MSH3: variants seen among roughly 807,000 people sequenced by gnomAD.
MSH3 encodes DNA mismatch repair protein Msh3.
Under a neutral mutation model 123.3 loss-of-function variants are expected in MSH3, and 106 were observed. That is an observed-to-expected ratio of 0.86 (90% CI 0.73 to 1.01). The LOEUF (loss-of-function observed/expected upper bound fraction) is 1.01, where lower values mean the gene tolerates loss of function less well. Among genes scored for constraint, MSH3 ranks in the 50% least tolerant of loss-of-function variants. The pLI is 0.00. For missense variants in MSH3, 1,459 were observed against 1,347.6 expected, an observed-to-expected ratio of 1.08 and a Z score of -1.29; for synonymous variants, 515 against 481.4, an observed-to-expected ratio of 1.07 and a Z score of -0.91.
intron 20 of MSH3, among the ~76,000 whole-genome samples, chr5:80,833,733 G>A (rs997610350): frequency 6.6e-6 from 1 of 152,154 alleles, no homozygotes; most frequent in Admixed American, 6.5e-5. Context: ...GAGCCACCTC[G>A]CACAGCCAAA....
intron 12 of MSH3, among the ~76,000 whole-genome samples, chr5:80,757,544 G>A (rs1473139427): frequency 6.6e-6 from 1 of 152,066 alleles, no homozygotes; most frequent in African/African-American, 2.4e-5. Context: ...TTCATCTTTG[G>A]TAGTAAAGAT....
At chr5:80,814,644 T>G (rs1412638734) in intron 20 of MSH3, among the ~76,000 whole-genome samples, 1 of 152,234 alleles carries the variant, frequency 6.6e-6, no homozygotes, top group Non-Finnish European at 1.5e-5. Flanking sequence ...TGCTCTGTCT[T>G]CTGGGGTAGA....
rs1025319425 is a variant in MSH3 at position 80,792,758 on chromosome 5, A to G, written c.2569A>G (p.Ile857Val). ...ACCAACTGTACAAGAAGAAAGAAAA[A>G]TTGTAATAAAAAATGGAAGGCACCC... is the stretch of plus-strand genomic sequence containing the variant. ...CRPTVQEERKIVIKNGRHPVI... is the reference protein window; with the variant it reads ...CRPTVQEERKVVIKNGRHPVI... The change falls in exon 19 of 24, where the codon ATT becomes GTT. Residue 857 changes from isoleucine to valine, a missense_variant. Coordinates refer to ENST00000265081, the MANE Select transcript of MSH3 (RefSeq NM_002439.5). 6.2e-7 allele frequency: 1 copy of G among 1,612,760 alleles called. No homozygotes were observed. The highest frequency in any genetic ancestry group is 1.3e-5 in the African/African-American group (1 of 74,904).
intron 20 of MSH3, among the ~76,000 whole-genome samples, chr5:80,843,819 C>T (rs549408867): frequency 1.3e-5 from 2 of 152,106 alleles, no homozygotes; most frequent in African/African-American, 4.8e-5. Context: ...GTCTTGCTAG[C>T]AGTCTATCAA....
chr5:80,748,486 T>C (rs917219887), intron 12 of MSH3, among the ~76,000 whole-genome samples: 7 of 152,226 alleles, frequency 4.6e-5, no homozygotes, highest in African/African-American at 1.2e-4. Context: ...TTTTTTCTTA[T>C]GTGTTCTCAC....
intron 12 of MSH3, among the ~76,000 whole-genome samples, chr5:80,752,988 A>G (rs1323890769): frequency 6.6e-6 from 1 of 152,198 alleles, no homozygotes. Flanking sequence ...CAAGACAATA[A>G]TAACTTCTGG....
rs563246929 is a variant in MSH3, at chr5:80,785,550, G to T, written c.2436-2015G>T. Among the ~76,000 whole-genome samples, 222 of 152,206 alleles carry T rather than the reference G, an allele frequency of 1.5e-3. 2 individuals carry two copies. Among genetic ancestry groups the T allele is most frequent in the Middle Eastern group, 6.8e-3 (2 of 294 alleles). On this transcript the variant is annotated intron_variant, in intron 17 of 23. Transcript: ENST00000265081. ...CAACCATTGTGGAAGTCAGTGTGGC[G>T]ATTCCTCAGGGATCTAGAACTAGAA...
intron 20 of MSH3, among the ~76,000 whole-genome samples, chr5:80,816,097 A>G (rs1382422561): frequency 6.6e-6 from 1 of 152,226 alleles, no homozygotes; most frequent in Non-Finnish European, 1.5e-5. Context: ...TTATTCATTC[A>G]TCCAACATGT....
intron 23 of MSH3, among the ~76,000 whole-genome samples, chr5:80,874,201 T>TG (rs1163367920): frequency 6.6e-6 from 1 of 152,232 alleles, no homozygotes; most frequent in Admixed American, 6.5e-5. Context: ...GAAATAGTAA[T>TG]GCCTATCATA....
rs2112885064 is a variant in MSH3, at chr5:80,768,817, C to T, written c.2085-18C>T. On this transcript the variant is annotated intron_variant, in intron 14 of 23. Coordinates refer to ENST00000265081, the MANE Select transcript of MSH3 (RefSeq NM_002439.5). ...TTAATAAACTTCGAATATGTATTTG[C>T]ATGTTTTGATTTTTTAGAGTTGGGG... 1.3e-6 allele frequency: 2 copies of T among 1,583,124 alleles called. No homozygotes were observed. Among genetic ancestry groups the T allele is most frequent in the East Asian group, 2.2e-5 (1 of 44,508 alleles).
At chr5:80,715,864 G>A (rs1750949879) in intron 8 of MSH3, among the ~76,000 whole-genome samples, 1 of 152,130 alleles carries the variant, frequency 6.6e-6, no homozygotes, top group Non-Finnish European at 1.5e-5. Flanking sequence ...CCAGGTCCCT[G>A]CTCCAGCACT....
At chr5:80,778,959 A>T (rs1744359476) in intron 17 of MSH3, 123 bp downstream of exon 17, 2 of 635,182 alleles carry the variant, frequency 3.1e-6, no homozygotes, top group Non-Finnish European at 5.6e-6. Context: ...AGTTGAGTAC[A>T]TGTGTTCTCT....
intron 8 of MSH3, among the ~76,000 whole-genome samples, chr5:80,720,488 T>A (rs938849283): frequency 6.6e-6 from 1 of 151,118 alleles, no homozygotes; most frequent in Non-Finnish European, 1.5e-5. Context: ...TCCTGCTTCT[T>A]ATCTTTATTA....
intron 10 of MSH3, among the ~76,000 whole-genome samples, chr5:80,740,263 T>C (rs1743586879): frequency 6.6e-6 from 1 of 152,188 alleles, no homozygotes. Context: ...ACTGAGACAA[T>C]AAGGAGAGTG....
At chr5:80,850,073 A>C (rs545105925) in intron 20 of MSH3, among the ~76,000 whole-genome samples, 2 of 152,206 alleles carry the variant, frequency 1.3e-5, no homozygotes, top group South Asian at 2.1e-4. Context: ...AAGTTCCACA[A>C]ATCTCTAGGG....
intron 11 of MSH3, among the ~76,000 whole-genome samples, chr5:80,742,236 T>C (rs1039633922): frequency 4.7e-4 from 71 of 152,142 alleles, no homozygotes; most frequent in African/African-American, 1.7e-3. Flanking sequence ...TCTCGAACTG[T>C]TGACCTCAGG....
chr5:80,749,464 G>C (rs1422673281), intron 12 of MSH3, among the ~76,000 whole-genome samples: 1 of 152,144 alleles, frequency 6.6e-6, no homozygotes, highest in East Asian at 1.9e-4. Context: ...TGATTAGATG[G>C]TGCCCACCAG....
chr5:80,740,637 G>A (rs2112866205), intron 10 of MSH3, among the ~76,000 whole-genome samples: 1 of 152,268 alleles, frequency 6.6e-6, no homozygotes, highest in South Asian at 2.1e-4. Context: ...TGGGATTACA[G>A]GCGTGAGCCA....
intron 19 of MSH3, among the ~76,000 whole-genome samples, chr5:80,800,799 T>C (rs1411876429): frequency 1.3e-5 from 2 of 152,230 alleles, no homozygotes; most frequent in Admixed American, 1.3e-4. Context: ...ACACAATTCC[T>C]GCTCTCATGA....
Sources: allele counts gnomAD v4.1 joint callset (sites outside exome capture counted in the v4.1 genomes callset), GRCh38; gene constraint gnomAD v4.1.1; transcripts MANE v1.5; gene names NCBI Gene and HGNC (gene_info 2026-07-23, HGNC 2026-07-21).